Variants in HAPSTR1 observed in about 807,000 individuals in gnomAD.
The protein encoded by HAPSTR1 is HUWE1 associated protein modifying stress responses, also known as HUWE1-associated protein modifying stress responses 1.
chr16:9,108,738 G>GTACA, the HAPSTR1 span: 2 of 152,316 alleles, frequency 1.3e-5, no homozygotes, highest in African/African-American at 4.8e-5. Flanking sequence ...GTTAGGAAGA[G>GTACA]TACATAGTCT....
chr16:9,095,934 T>G, the HAPSTR1 span, among the ~76,000 whole-genome samples: 249 of 152,184 alleles, frequency 1.6e-3, 4 homozygotes, highest in Non-Finnish European at 2.7e-3. Flanking sequence ...TTCTTCAATA[T>G]TCAGTAGTAT....
At chr16:9,103,138 A>C in the HAPSTR1 span, 1 of 1,614,126 alleles carries the variant, frequency 6.2e-7, no homozygotes, top group East Asian at 2.2e-5. Flanking sequence ...TTCCTCCACC[A>C]CGAAACTCTA....
the HAPSTR1 span, among the ~76,000 whole-genome samples, chr16:9,116,145 AGTAATCT>A: frequency 6.6e-6 from 1 of 152,198 alleles, no homozygotes; most frequent in African/African-American, 2.4e-5. Context: ...CGGGCTCAAC[AGTAATCT>A]GTTTTGGATG....
chr16:9,093,440 T>G, the HAPSTR1 span, among the ~76,000 whole-genome samples: 1 of 152,148 alleles, frequency 6.6e-6, no homozygotes, highest in South Asian at 2.1e-4. Flanking sequence ...AGAGTTGATG[T>G]TTTTTGTACT....
the HAPSTR1 span, chr16:9,112,825 T>C: frequency 6.6e-6 from 1 of 152,236 alleles, no homozygotes; most frequent in Non-Finnish European, 1.5e-5. Flanking sequence ...CCTGGACTAA[T>C]CATTTAAAAT....
At chr16:9,116,582 C>T in the HAPSTR1 span, 2 of 1,511,116 alleles carry the variant, frequency 1.3e-6, no homozygotes, top group East Asian at 2.3e-5. Context: ...CATGCTTTGA[C>T]ATTGTGACAA....
the HAPSTR1 span, among the ~76,000 whole-genome samples, chr16:9,115,895 C>G: frequency 2.9e-4 from 44 of 152,272 alleles, no homozygotes; most frequent in African/African-American, 1.0e-3. Context: ...CAGGTGTGAG[C>G]CACTGCGCCT....
the HAPSTR1 span, among the ~76,000 whole-genome samples, chr16:9,094,510 A>G: frequency 6.6e-6 from 1 of 152,074 alleles, no homozygotes; most frequent in Non-Finnish European, 1.5e-5. Flanking sequence ...AAGAAGTAGA[A>G]TATATCTATC....
the HAPSTR1 span, chr16:9,117,155 A>AG: frequency 1.9e-6 from 1 of 521,956 alleles, no homozygotes; most frequent in Non-Finnish European, 3.3e-6. Flanking sequence ...CGTTAGCAAG[A>AG]TCATCATAGG....
At chr16:9,107,673 T>C in the HAPSTR1 span, 2 of 152,250 alleles carry the variant, frequency 1.3e-5, no homozygotes, top group African/African-American at 4.8e-5. Context: ...CCATACTGTT[T>C]ATCTCTTGAA....
the HAPSTR1 span, chr16:9,103,057 G>T: frequency 6.2e-7 from 1 of 1,614,166 alleles, no homozygotes; most frequent in Admixed American, 1.7e-5. Context: ...ATAAGGATGT[G>T]TTGGCTTGGG....
the HAPSTR1 span, chr16:9,111,595 T>C: frequency 1.3e-5 from 2 of 152,240 alleles, no homozygotes; most frequent in African/African-American, 2.4e-5. Context: ...GTCTTGAACC[T>C]GCGATAAAAT....
chr16:9,098,862 C>CGCG, the HAPSTR1 span, among the ~76,000 whole-genome samples: 1 of 152,306 alleles, frequency 6.6e-6, no homozygotes, highest in African/African-American at 2.4e-5. Context: ...AGAGGGAACT[C>CGCG]TGTCAATGAA....
At chr16:9,099,708 G>A in the HAPSTR1 span, among the ~76,000 whole-genome samples, 1 of 152,164 alleles carries the variant, frequency 6.6e-6, no homozygotes, top group African/African-American at 2.4e-5. Flanking sequence ...TCTAGAATTG[G>A]GGTGTGCTCA....
the HAPSTR1 span, chr16:9,113,038 T>C: frequency 7.1e-6 from 1 of 140,724 alleles, no homozygotes; most frequent in South Asian, 2.2e-4. Flanking sequence ...TTTTTTTTTG[T>C]TTTTTTTTTA....
At chr16:9,095,034 TAAG>T in the HAPSTR1 span, among the ~76,000 whole-genome samples, 23 of 152,366 alleles carry the variant, frequency 1.5e-4, no homozygotes, top group South Asian at 4.1e-4. Flanking sequence ...TCAGAAAACT[TAAG>T]GAGGAACATT....
chr16:9,092,569 G>T, the HAPSTR1 span, among the ~76,000 whole-genome samples: 21,184 of 151,724 alleles, frequency 0.14, 1,808 homozygotes, highest in Non-Finnish European at 0.18. Context: ...AGACGGGAGA[G>T]GAGGAGCCCC....
the HAPSTR1 span, chr16:9,110,623 T>TTTAG: frequency 7.1e-4 from 108 of 152,384 alleles, no homozygotes; most frequent in Admixed American, 7.0e-3. Context: ...TTTAATTGTA[T>TTTAG]TTAGCTCTGT....
At chr16:9,091,963 C>T in the HAPSTR1 span, 1 of 1,224,924 alleles carries the variant, frequency 8.2e-7, no homozygotes, top group Non-Finnish European at 1.1e-6. Context: ...CGCCGGGCCG[C>T]TTGACGACGA....
Sources: gnomAD v4.1 joint callset for allele counts (sites outside exome capture counted in the v4.1 genomes callset) on GRCh38, gnomAD v4.1.1 for gene constraint, MANE v1.5 for transcripts, NCBI Gene and HGNC (gene_info 2026-07-23, HGNC 2026-07-21) for gene names.